Variants in KCNIP1 observed in about 807,000 individuals in gnomAD.
KCNIP1 encodes the protein A-type potassium channel modulatory protein KCNIP1.
A neutral mutation model predicts 33.0 loss-of-function variants in KCNIP1; 18 were observed. The ratio of observed to expected loss-of-function variants is 0.55; its 90% CI spans 0.38 to 0.81. The LOEUF is 0.81. Among genes scored for constraint, KCNIP1 ranks in the 30% least tolerant of loss-of-function variants. The pLI is 0.00. For missense variants in KCNIP1, 238 were observed against 271.6 expected (o/e 0.88, Z 0.87); for synonymous variants, 93 against 98.3 (o/e 0.95, Z 0.32).
At chr5:170,616,233 A>C (rs977659159) in intron 1 of KCNIP1, among the ~76,000 whole-genome samples, 1 of 152,206 alleles carries the variant, frequency 6.6e-6, no homozygotes, top group Non-Finnish European at 1.5e-5. Context: ...GATGATCATA[A>C]ATGTAGAAGG....
chr5:170,458,786 C>T (rs1057369908), intron 1 of KCNIP1, among the ~76,000 whole-genome samples: 1 of 152,016 alleles, frequency 6.6e-6, no homozygotes, highest in East Asian at 1.9e-4. Flanking sequence ...AACAAAAATA[C>T]AATTAAGACA....
At chr5:170,571,156 C>T (rs1330460445) in intron 1 of KCNIP1, among the ~76,000 whole-genome samples, 3 of 152,198 alleles carry the variant, frequency 2.0e-5, no homozygotes, top group South Asian at 2.1e-4. Context: ...ACCATCTGCC[C>T]GGTCCTCACT....
chr5:170,668,598 C>T (rs904713537), intron 1 of KCNIP1, among the ~76,000 whole-genome samples: 1 of 152,222 alleles, frequency 6.6e-6, no homozygotes, highest in African/African-American at 2.4e-5. Context: ...GAGCCCAGTA[C>T]AGACGGCATG....
intron 1 of KCNIP1, among the ~76,000 whole-genome samples, chr5:170,585,822 T>C (rs6895577): frequency 0.97 from 147,291 of 152,270 alleles, 71,433 homozygotes; most frequent in East Asian, 1. Flanking sequence ...CTTCACTCCT[T>C]TCACCAGCAC....
At chr5:170,418,583 C>T (rs1253174834) in intron 1 of KCNIP1, among the ~76,000 whole-genome samples, 1 of 152,168 alleles carries the variant, frequency 6.6e-6, no homozygotes, top group African/African-American at 2.4e-5. Flanking sequence ...AGATCCTATC[C>T]AGTCCCCTAC....
chr5:170,713,067 A>G (rs1004018394), intron 1 of KCNIP1, among the ~76,000 whole-genome samples: 3 of 152,200 alleles, frequency 2.0e-5, no homozygotes, highest in Non-Finnish European at 4.4e-5. Context: ...GTTACAGGAA[A>G]AGCTTTGCTC....
At chr5:170,627,128 G>T (rs573849978) in intron 1 of KCNIP1, among the ~76,000 whole-genome samples, 1 of 152,246 alleles carries the variant, frequency 6.6e-6, no homozygotes, top group East Asian at 1.9e-4. Flanking sequence ...TTCTCTTCTT[G>T]TCTTGGACTT....
At chr5:170,464,004 A>T (rs1372734268) in intron 1 of KCNIP1, among the ~76,000 whole-genome samples, 1 of 151,526 alleles carries the variant, frequency 6.6e-6, no homozygotes, top group African/African-American at 2.4e-5. Flanking sequence ...TACACTAGTA[A>T]TGAATAATCC....
Position 170,385,886 on chromosome 5 carries a change from G to A in KCNIP1, c.88+31922G>A, listed in dbSNP as rs139727938. ...TGAAATCCCAGCACTTTCGGAGACCGAGGTGGGCGGATCATGAGGTCAGGA... is the reference window on the plus strand; with the variant it reads ...TGAAATCCCAGCACTTTCGGAGACCAAGGTGGGCGGATCATGAGGTCAGGA... On this transcript the variant is annotated intron_variant, in intron 1 of 7. Coordinates refer to the KCNIP1 transcript ENST00000377360. 3.3e-3 allele frequency among the ~76,000 whole-genome samples: 497 copies of A among 152,060 alleles called. 4 individuals are homozygous for A. The highest frequency in any genetic ancestry group is 0.011 in the African/African-American group (469 of 41,468).
At chr5:170,514,919 C>A (rs932379226) in intron 1 of KCNIP1, among the ~76,000 whole-genome samples, 1 of 152,174 alleles carries the variant, frequency 6.6e-6, no homozygotes, top group African/African-American at 2.4e-5. Flanking sequence ...TAAGCGCTTT[C>A]GGTACATTAA....
At chr5:170,468,659 T>G in intron 1 of KCNIP1, among the ~76,000 whole-genome samples, 1 of 152,090 alleles carries the variant, frequency 6.6e-6, no homozygotes, top group East Asian at 1.9e-4. Flanking sequence ...GGTGGGTGGA[T>G]AGCTTGAGCC....
At chr5:170,390,157 A>C (rs2113359419) in intron 1 of KCNIP1, among the ~76,000 whole-genome samples, 1 of 152,016 alleles carries the variant, frequency 6.6e-6, no homozygotes, top group South Asian at 2.1e-4. Flanking sequence ...GCAGGCAAAA[A>C]ACATGCTTTT....
At chr5:170,634,353 C>T (rs1581425406) in intron 1 of KCNIP1, among the ~76,000 whole-genome samples, 1 of 152,316 alleles carries the variant, frequency 6.6e-6, no homozygotes, top group East Asian at 1.9e-4. Context: ...GTGCCACGCC[C>T]ACCCCTGCAC....
rs576964783 is a variant in KCNIP1, at chr5:170,360,471, A to G, written c.88+6507A>G. Among the ~76,000 whole-genome samples, 34 of 152,340 alleles carry G rather than the reference A, an allele frequency of 2.2e-4. No individual in the cohort carries two copies. The South Asian group carries it at 6.2e-3, about 28-fold the overall frequency. ...ATGAGATGGGACATGTGACAGGCACAGGACCTGGCTCATACAAGCTGCTCA... is the reference window on the plus strand; with the variant it reads ...ATGAGATGGGACATGTGACAGGCACGGGACCTGGCTCATACAAGCTGCTCA... On this transcript the variant is annotated intron_variant, in intron 1 of 7. Coordinates refer to the KCNIP1 transcript ENST00000377360.
At chr5:170,526,086 G>A (rs1198446440) in intron 1 of KCNIP1, among the ~76,000 whole-genome samples, 1 of 152,188 alleles carries the variant, frequency 6.6e-6, no homozygotes, top group South Asian at 2.1e-4. Flanking sequence ...GTGTGCTCAG[G>A]GTCATCAGGC....
At chr5:170,712,823 T>G (rs1237300248) in intron 1 of KCNIP1, 1 of 1,611,688 alleles carries the variant, frequency 6.2e-7, no homozygotes, top group Admixed American at 1.7e-5. Context: ...GATGAATCGA[T>G]TTGGTAAAAT....
At chr5:170,719,662 T>C (rs1228502348) in intron 2 of KCNIP1, among the ~76,000 whole-genome samples, 2 of 152,182 alleles carry the variant, frequency 1.3e-5, no homozygotes, top group Non-Finnish European at 1.5e-5. Context: ...ACAGCCTCAA[T>C]GTTCTCCAAA....
At chr5:170,590,659 C>T (rs963103287) in intron 1 of KCNIP1, among the ~76,000 whole-genome samples, 6 of 152,170 alleles carry the variant, frequency 3.9e-5, no homozygotes, top group Admixed American at 2.6e-4. Context: ...ATAACTCTGA[C>T]CATTCCTGGG....
intron 1 of KCNIP1, among the ~76,000 whole-genome samples, chr5:170,689,207 C>T (rs1001398258): frequency 1.4e-4 from 22 of 152,178 alleles, no homozygotes; most frequent in African/African-American, 4.8e-4. Flanking sequence ...CATTCACTTG[C>T]TCATTTTTAC....
Sources: allele counts gnomAD v4.1 joint callset (sites outside exome capture counted in the v4.1 genomes callset), GRCh38; gene constraint gnomAD v4.1.1; transcripts MANE v1.5; gene names NCBI Gene and HGNC (gene_info 2026-07-23, HGNC 2026-07-21).